AK8: variants seen among roughly 807,000 people sequenced by gnomAD.
AK8 encodes ATP-AMP transphosphorylase 8.
In AK8, 44 loss-of-function variants were observed where a neutral mutation model predicts 54.6. That is an observed-to-expected ratio of 0.81 (90% confidence interval 0.63 to 1.04). The LOEUF (loss-of-function observed/expected upper bound fraction) is 1.04, where lower values mean the gene tolerates loss of function less well. Among genes scored for constraint, AK8 ranks in the 50% least tolerant of loss-of-function variants. The pLI is 0.00. For synonymous variants in AK8, 239 were observed against 245.6 expected, an observed-to-expected ratio of 0.97 and a Z score of 0.25; for missense variants, 555 against 613.6, an observed-to-expected ratio of 0.90 and a Z score of 1.01.
chr9:132,869,427 T>G (rs1283980566), intron 2 of AK8, among the ~76,000 whole-genome samples: 1 of 152,176 alleles, frequency 6.6e-6, no homozygotes, highest in Non-Finnish European at 1.5e-5. Context: ...CATGCTGCCC[T>G]TCCACCCAGG....
chr9:132,752,639 T>A (rs116137107), intron 11 of AK8, among the ~76,000 whole-genome samples: 1,826 of 151,622 alleles, frequency 0.012, 41 homozygotes, highest in African/African-American at 0.042. Flanking sequence ...CCCCACCTTG[T>A]TCCTCCAGTG....
At chr9:132,754,528 C>T (rs7853548) in intron 11 of AK8, among the ~76,000 whole-genome samples, 34,700 of 152,008 alleles carry the variant, frequency 0.23, 4,986 homozygotes, top group African/African-American at 0.4. Context: ...CATATCAGGC[C>T]GCCCCCTTTC....
At chr9:132,818,842 C>T (rs552920052) in intron 9 of AK8, among the ~76,000 whole-genome samples, 7 of 151,292 alleles carry the variant, frequency 4.6e-5, no homozygotes, top group Non-Finnish European at 1.0e-4. Flanking sequence ...AGCAAGACCC[C>T]GTCTCTTAAA....
chr9:132,786,760 T>G (rs2131147895), intron 11 of AK8, among the ~76,000 whole-genome samples: 1 of 151,708 alleles, frequency 6.6e-6, no homozygotes, highest in South Asian at 2.1e-4. Flanking sequence ...CATCTAAGGG[T>G]AAAAAAAGAC....
chr9:132,849,349 G>C (rs1588210029), intron 5 of AK8, among the ~76,000 whole-genome samples: 1 of 152,330 alleles, frequency 6.6e-6, no homozygotes, highest in South Asian at 2.1e-4. Flanking sequence ...TAAGATAAAA[G>C]TCTTTCTAGA....
chr9:132,857,811 G>A (rs1005725241), intron 4 of AK8, among the ~76,000 whole-genome samples: 21 of 152,218 alleles, frequency 1.4e-4, no homozygotes, highest in African/African-American at 4.1e-4. Context: ...ACAGGCCTGC[G>A]GCTTTGAGCG....
intron 9 of AK8, among the ~76,000 whole-genome samples, chr9:132,822,448 GT>G (rs1841687147): frequency 6.7e-6 from 1 of 149,670 alleles, no homozygotes. Flanking sequence ...ATTTGGGGGG[GT>G]TGTATGCATA....
At chr9:132,759,667 G>C (rs966581418) in intron 11 of AK8, among the ~76,000 whole-genome samples, 4 of 152,194 alleles carry the variant, frequency 2.6e-5, no homozygotes, top group African/African-American at 9.7e-5. Flanking sequence ...TGGGTACCCA[G>C]TTGCGCAGCA....
chr9:132,802,751 C>T (rs969487240), intron 10 of AK8, among the ~76,000 whole-genome samples: 10 of 152,306 alleles, frequency 6.6e-5, no homozygotes, highest in Middle Eastern at 3.4e-3. Context: ...GCCAGCCCAG[C>T]TCTCTTAGGC....
chr9:132,752,739 A>G (rs1233439080), intron 11 of AK8, among the ~76,000 whole-genome samples: 1 of 81,592 alleles, frequency 1.2e-5, no homozygotes, highest in Middle Eastern at 7.5e-3. Flanking sequence ...CCCCACCTGC[A>G]GAACTCTTCC....
At chr9:132,788,595 C>A (rs907321918) in intron 11 of AK8, among the ~76,000 whole-genome samples, 2 of 152,034 alleles carry the variant, frequency 1.3e-5, no homozygotes, top group African/African-American at 4.8e-5. Flanking sequence ...ATTAGTGGCA[C>A]AAGATATTCA....
At chr9:132,742,664 A>G (rs887783509) in intron 11 of AK8, among the ~76,000 whole-genome samples, 2 of 152,192 alleles carry the variant, frequency 1.3e-5, no homozygotes, top group Non-Finnish European at 2.9e-5. Context: ...TTCCTGGTAC[A>G]GGTGTGCCTT....
intron 11 of AK8, among the ~76,000 whole-genome samples, chr9:132,792,199 C>T (rs1839973208): frequency 6.6e-6 from 1 of 152,150 alleles, no homozygotes; most frequent in Non-Finnish European, 1.5e-5. Context: ...GAAGACAGAA[C>T]ATCCAGTGAT....
intron 11 of AK8, among the ~76,000 whole-genome samples, chr9:132,774,910 A>G (rs147018622): frequency 3.8e-4 from 58 of 152,310 alleles, no homozygotes; most frequent in African/African-American, 1.3e-3. Flanking sequence ...GGCCCCTAAT[A>G]AGAGCTTGGA....
chr9:132,838,847 T>C (rs1305379881), intron 5 of AK8, among the ~76,000 whole-genome samples: 3 of 152,182 alleles, frequency 2.0e-5, no homozygotes, highest in East Asian at 1.9e-4. Context: ...AGGACAGTCA[T>C]GCAGGTTCAA....
intron 6 of AK8, among the ~76,000 whole-genome samples, chr9:132,828,331 G>A (rs906564498): frequency 3.9e-5 from 6 of 152,118 alleles, no homozygotes. Context: ...AATTTCCCTC[G>A]TCACAGATAA....
At chr9:132,819,045 C>CA (rs140448359) in intron 9 of AK8, among the ~76,000 whole-genome samples, 14,558 of 152,150 alleles carry the variant, frequency 0.096, 894 homozygotes, top group African/African-American at 0.15. Flanking sequence ...GGAAAAGCAA[C>CA]ATTTCCTAGC....
At chr9:132,830,500 T>C (rs1389183355) in intron 5 of AK8, among the ~76,000 whole-genome samples, 2 of 152,228 alleles carry the variant, frequency 1.3e-5, no homozygotes, top group African/African-American at 2.4e-5. Flanking sequence ...TTACATTTCT[T>C]TGATCATTAA....
intron 11 of AK8, among the ~76,000 whole-genome samples, chr9:132,776,706 A>G (rs967246659): frequency 6.6e-6 from 1 of 151,858 alleles, no homozygotes. Context: ...CCTCGATCCC[A>G]AAAGATGAAG....
Sources: allele counts gnomAD v4.1 joint callset (sites outside exome capture counted in the v4.1 genomes callset), GRCh38; gene constraint gnomAD v4.1.1; transcripts MANE v1.5; gene names NCBI Gene and HGNC (gene_info 2026-07-23, HGNC 2026-07-21).